The following ARPC1B variants were observed in gnomAD, a reference collection of about 807,000 sequenced individuals.
The protein encoded by ARPC1B is actin-related protein 2/3 complex subunit 1B.
A neutral mutation model predicts 46.0 loss-of-function variants in ARPC1B; 29 were observed. The ratio of observed to expected loss-of-function variants is 0.63; its 90% confidence interval spans 0.47 to 0.86. The LOEUF is 0.86. Ranked by LOEUF, ARPC1B falls within the 40% of genes least tolerant of loss-of-function variation. The pLI, the probability that ARPC1B is intolerant of heterozygous loss-of-function variation, is 0.00. For synonymous variants in ARPC1B, 201 were observed against 213.9 expected, an observed-to-expected ratio of 0.94 and a Z score of 0.53; for missense variants, 469 against 529.4, an observed-to-expected ratio of 0.89 and a Z score of 1.12.
In ARPC1B at chr7:99,386,687, A is replaced by G. The variant is rs760520463; in HGVS notation, c.67A>G (p.Ile23Val). Residue 23 changes from isoleucine (I) to valine (V), a missense_variant and splice_region_variant, in exon 3 of 10, where the codon ATT becomes GTT. By Grantham distance (29) the Ile-to-Val change is conservative. Coordinates refer to ENST00000646101, the MANE Select transcript of ARPC1B (RefSeq NM_005720.4). The part of the protein sequence containing the change: ...CHAWNKDRTQ[I>V]AICPNNHEVH... ...ATCTCCCTCCATCTCCCCTTCAGAG[A>G]TTGCCATCTGCCCCAACAACCATGA... 2 of 1,613,284 alleles carry G rather than the reference A, an allele frequency of 1.2e-6. No homozygotes were observed. The highest frequency in any genetic ancestry group is 1.7e-6 in the Non-Finnish European group (2 of 1,179,386).
chr7:99,381,323 C>CTG (rs1001329824), intron 1 of ARPC1B, among the ~76,000 whole-genome samples: 1 of 152,098 alleles, frequency 6.6e-6, no homozygotes, highest in African/African-American at 2.4e-5. Context: ...TGCAGTGTGC[C>CTG]TGTGTGTGAG....
rs1584404501 is a variant in ARPC1B at position 99,385,574 on chromosome 7, T to C, written c.-13-128T>C. ...GCCCCTGCTGCTCCTCTCTGCAAAC[T>C]GCTGCCCCTCTAAACTGAGGGGCCT... On this transcript the variant is annotated intron_variant, in intron 1 of 9. Transcript: ENST00000646101. 3 of 762,092 alleles carry C rather than the reference T, an allele frequency of 3.9e-6. No homozygotes were observed. In the African/African-American group the frequency reaches 5.2e-5, roughly 13 times the overall value. 47.2% of individuals were successfully genotyped at this position (762,092 alleles called of 1,614,324 possible).
Position 99,394,104 on chromosome 7 carries a change from T to C in ARPC1B, c.1065T>C (p.Ser355=), listed in dbSNP as rs1448447690. Residue 355 remains serine, a synonymous_variant, in exon 9 of 10, where the codon AGT becomes AGC. Coordinates refer to ENST00000646101, the MANE Select transcript of ARPC1B (RefSeq NM_005720.4). ...FCTTGMDGGM[S]IWDVKSLESA... Reference sequence around the variant, plus strand: ...CCACTGGCATGGATGGCGGCATGAGTATCTGGGATGTGAAGGTGAGGCTTG... The same window carrying C: ...CCACTGGCATGGATGGCGGCATGAGCATCTGGGATGTGAAGGTGAGGCTTG... 3.7e-6 allele frequency: 6 copies of C among 1,613,570 alleles called. No individual in the cohort carries two copies. Among genetic ancestry groups the C allele is most frequent in the Non-Finnish European group, 5.1e-6 (6 of 1,180,008 alleles).
intron 8 of ARPC1B, 70 bp downstream of exon 8, chr7:99,392,946 A>G: frequency 2.1e-6 from 3 of 1,410,124 alleles, no homozygotes; most frequent in South Asian, 2.8e-5. Flanking sequence ...CGGGTGAGGA[A>G]GGGGCCTGGA....
rs1018429777 is a variant in ARPC1B at position 99,392,702 on chromosome 7, A to T, written c.815A>T (p.Tyr272Phe). 1.7e-5 allele frequency: 27 copies of T among 1,545,468 alleles called. No individual in the cohort carries two copies. The highest frequency in any genetic ancestry group is 2.2e-5 in the Non-Finnish European group (25 of 1,143,906). The change falls in exon 8 of 10, where the codon TAT (tyrosine) becomes TTT (phenylalanine). Residue 272 changes from tyrosine to phenylalanine, a missense_variant. Physicochemically the swap from Tyr to Phe is conservative, Grantham distance 22 (BLOSUM62 3). Transcript: ENST00000646101. ...GHDCFPVLFT[Y>F]DAAAGMLSFG... ...GACTGCTTCCCGGTGCTGTTCACCT[A>T]TGACGCCGCCGCGGGGATGCTGAGC...
At chr7:99,378,779 T>C (rs1232703927) in intron 1 of ARPC1B, among the ~76,000 whole-genome samples, 3 of 131,896 alleles carry the variant, frequency 2.3e-5, no homozygotes, top group Non-Finnish European at 4.7e-5. Flanking sequence ...TTTTTCTTTT[T>C]TTTTTTTTTT....
intron 1 of ARPC1B, among the ~76,000 whole-genome samples, chr7:99,381,788 G>A (rs1360390076): frequency 6.6e-6 from 1 of 152,240 alleles, no homozygotes; most frequent in African/African-American, 2.4e-5. Context: ...GGGCCAAACT[G>A]CAGCCCCAGG....
intron 1 of ARPC1B, among the ~76,000 whole-genome samples, chr7:99,375,947 AG>A (rs1406396113): frequency 6.6e-6 from 1 of 151,922 alleles, no homozygotes; most frequent in Admixed American, 6.6e-5. Context: ...CTGTAATCCC[AG>A]CTACTCAGGA....
rs1794704399 is a variant in ARPC1B at position 99,394,595 on chromosome 7, G to A, written c.*106G>A. 4 of 1,579,068 alleles carry A rather than the reference G, an allele frequency of 2.5e-6. No homozygotes were observed. The highest frequency in any genetic ancestry group is 3.4e-6 in the Non-Finnish European group (4 of 1,161,986). On this transcript the variant is annotated 3_prime_UTR_variant, in exon 10 of 10. Transcript: ENST00000646101. ...GAATGTTTCTGGGGTACCAATACGA[G>A]TTCCCATAGGGGCTGCTCCCTCAAA...
At chr7:99,390,631 C>A (rs1794542139) in intron 5 of ARPC1B, among the ~76,000 whole-genome samples, 3 of 152,054 alleles carry the variant, frequency 2.0e-5, no homozygotes, top group Admixed American at 2.0e-4. Context: ...GCATCTGCCT[C>A]AGCCTCCCAA....
intron 1 of ARPC1B, among the ~76,000 whole-genome samples, chr7:99,377,001 C>T (rs1794047831): frequency 6.6e-6 from 1 of 151,976 alleles, no homozygotes; most frequent in Non-Finnish European, 1.5e-5. Context: ...TGTACATAAT[C>T]CATTGATAGG....
At chr7:99,390,480 G>A (rs1450990893) in intron 5 of ARPC1B, among the ~76,000 whole-genome samples, 7 of 151,886 alleles carry the variant, frequency 4.6e-5, no homozygotes, top group East Asian at 3.9e-4. Context: ...GCGATCAAGC[G>A]ATTCTCCTGC....
chr7:99,390,234 T>C (rs578193194), intron 5 of ARPC1B, among the ~76,000 whole-genome samples: 1 of 152,304 alleles, frequency 6.6e-6, no homozygotes, highest in South Asian at 2.1e-4. Context: ...TTTTTTGAGC[T>C]AGGGGCTTGC....
intron 1 of ARPC1B, among the ~76,000 whole-genome samples, chr7:99,375,663 A>G (rs944883401): frequency 1.3e-5 from 2 of 152,170 alleles, no homozygotes; most frequent in Non-Finnish European, 2.9e-5. Context: ...TGGCTCACAC[A>G]TAGAATCCTA....
Position 99,394,684 on chromosome 7 carries a change from T to G in ARPC1B, c.*195T>G. 1 of 1,305,552 alleles carries G rather than the reference T, an allele frequency of 7.7e-7. No homozygotes were observed. Among genetic ancestry groups the G allele is most frequent in the Non-Finnish European group, 9.6e-7 (1 of 1,037,750 alleles). The allele number at this position is 1,305,552 out of a possible 1,614,324, so 80.9% of individuals were successfully genotyped here. A position where few individuals can be genotyped will look rare whatever the true frequency, so the allele number is the denominator to read the frequency against. On this transcript the variant is annotated 3_prime_UTR_variant, in exon 10 of 10. Transcript: ENST00000646101. ...AAGGAATACGTGCCTTTTTCTTAAA[T>G]GCTTTCATTTATTGAAAAAAAAAAA...
In ARPC1B at chr7:99,390,027, C is replaced by T; in HGVS notation, c.500+15C>T. Reference sequence around the variant, plus strand: ...TTCAAGTGTCGGTGAGACAGGGCGCCATGGGGGAGGGCGGGGCTGACGTCA... The same window carrying T: ...TTCAAGTGTCGGTGAGACAGGGCGCTATGGGGGAGGGCGGGGCTGACGTCA... On this transcript the variant is annotated intron_variant, in intron 5 of 9. Transcript: ENST00000646101. 1 of 1,610,222 alleles carries T rather than the reference C, an allele frequency of 6.2e-7. No homozygotes were observed. Among genetic ancestry groups the T allele is most frequent in the Non-Finnish European group, 8.5e-7 (1 of 1,176,972 alleles).
rs1163058807 is a variant in ARPC1B at position 99,394,604 on chromosome 7, G to A, written c.*115G>A. 1.9e-6 allele frequency: 3 copies of A among 1,547,152 alleles called. No homozygotes were observed. Among genetic ancestry groups the A allele is most frequent in the Non-Finnish European group, 2.6e-6 (3 of 1,144,402 alleles). On this transcript the variant is annotated 3_prime_UTR_variant, in exon 10 of 10. Coordinates refer to ENST00000646101, the MANE Select transcript of ARPC1B (RefSeq NM_005720.4). ...TGGGGTACCAATACGAGTTCCCATA[G>A]GGGCTGCTCCCTCAAAAAGGGAGGG...
chr7:99,387,121 T>G (rs952517836), intron 3 of ARPC1B, among the ~76,000 whole-genome samples: 1 of 152,148 alleles, frequency 6.6e-6, no homozygotes, highest in Non-Finnish European at 1.5e-5. Context: ...CTGGTGTCAC[T>G]CTAAATAAGC....
At chr7:99,379,485 T>G (rs1195644903) in intron 1 of ARPC1B, among the ~76,000 whole-genome samples, 1 of 152,164 alleles carries the variant, frequency 6.6e-6, no homozygotes, top group Non-Finnish European at 1.5e-5. Flanking sequence ...GCGCCTGTAA[T>G]GCTGAGATCT....
Sources: gnomAD v4.1 joint callset for allele counts (sites outside exome capture counted in the v4.1 genomes callset) on GRCh38, gnomAD v4.1.1 for gene constraint, MANE v1.5 for transcripts, NCBI Gene and HGNC (gene_info 2026-07-23, HGNC 2026-07-21) for gene names.